Variants in GCM1 observed in about 807,000 individuals in gnomAD.
GCM1 encodes GCM transcription factor 1.
GCM1 carries 2 observed loss-of-function variants against 25.7 expected under a neutral mutation model. The observed-to-expected ratio is 0.08, with a 90% CI of 0.03 to 0.24. The LOEUF (loss-of-function observed/expected upper bound fraction) is 0.24. GCM1 is among the 10% of genes least tolerant of loss of function. The pLI is 1.00. For missense variants in GCM1, 395 were observed against 538.7 expected, an observed-to-expected ratio of 0.73 and a Z score of 2.64; for synonymous variants, 183 against 195.7, an observed-to-expected ratio of 0.94 and a Z score of 0.54.
chr6:53,146,041 G>A (rs558035980), intron 1 of GCM1, among the ~76,000 whole-genome samples: 2 of 152,180 alleles, frequency 1.3e-5, no homozygotes, highest in African/African-American at 4.8e-5. Flanking sequence ...GTTGTCATCT[G>A]TAACCAATGG....
intron 5 of GCM1, among the ~76,000 whole-genome samples, chr6:53,129,430 C>A (rs1361113129): frequency 6.6e-6 from 1 of 152,062 alleles, no homozygotes; most frequent in Non-Finnish European, 1.5e-5. Context: ...CCTGCCACCA[C>A]GCCCAGCTAA....
At chr6:53,144,048 C>A (rs1763918333) in intron 2 of GCM1, among the ~76,000 whole-genome samples, 1 of 152,122 alleles carries the variant, frequency 6.6e-6, no homozygotes, top group African/African-American at 2.4e-5. Flanking sequence ...TCCTAGCCTT[C>A]TAGTCACCTT....
At chr6:53,130,743 GC>G in intron 5 of GCM1, 59 bp downstream of exon 5, 1 of 1,446,710 alleles carries the variant, frequency 6.9e-7, no homozygotes, top group Non-Finnish European at 9.4e-7. Context: ...GAAATCTACC[GC>G]CCCCAGCACA....
intron 2 of GCM1, among the ~76,000 whole-genome samples, chr6:53,140,949 G>A (rs1277963713): frequency 6.6e-6 from 1 of 152,072 alleles, no homozygotes; most frequent in Non-Finnish European, 1.5e-5. Context: ...AAACCTTAAA[G>A]CAATTAGATT....
At chr6:53,146,331 T>C (rs984485146) in intron 1 of GCM1, among the ~76,000 whole-genome samples, 23 of 151,076 alleles carry the variant, frequency 1.5e-4, no homozygotes, top group African/African-American at 5.6e-4. Context: ...GCAACTCTCC[T>C]GCCTCAGCCT....
intron 2 of GCM1, among the ~76,000 whole-genome samples, chr6:53,135,280 T>G (rs1238516397): frequency 6.6e-6 from 1 of 152,176 alleles, no homozygotes; most frequent in Non-Finnish European, 1.5e-5. Context: ...TGGTAAATTT[T>G]AAGTTGTGTT....
At chr6:53,132,165 C>G (rs144448584) in intron 3 of GCM1, 46 bp from the exon 4 acceptor site, 2 of 1,161,052 alleles carry the variant, frequency 1.7e-6, no homozygotes, top group South Asian at 2.4e-5. Context: ...TGAACCATGT[C>G]GGTTGTTGAC....
At position 53,127,347 on chromosome 6, in the gene GCM1, CT is replaced by C. The variant is rs1259214146; in HGVS notation, c.*858del. ...GGTCAGGTTCCTTGTCATCACAAGT[CT>C]CAGAAATCATCTAGAAAACATATAT... On this transcript the variant is annotated 3_prime_UTR_variant, in exon 6 of 6. Coordinates refer to ENST00000259803, the MANE Select transcript of GCM1 (RefSeq NM_003643.4). 6.6e-6 allele frequency: 1 copy of C among 152,300 alleles called. No homozygotes were observed. Among genetic ancestry groups the C allele is most frequent in the East Asian group, 1.9e-4 (1 of 5,188 alleles). The allele number at this position is 152,300 out of a possible 1,614,324, so 9.4% of individuals were successfully genotyped here.
At chr6:53,144,429 A>T (rs1378174888) in intron 2 of GCM1, among the ~76,000 whole-genome samples, 1 of 151,976 alleles carries the variant, frequency 6.6e-6, no homozygotes, top group Non-Finnish European at 1.5e-5. Context: ...TCTAAAAAAA[A>T]AAAAAAAAAG....
At chr6:53,131,184 T>G (rs1294078689) in intron 4 of GCM1, among the ~76,000 whole-genome samples, 2 of 152,200 alleles carry the variant, frequency 1.3e-5, no homozygotes, top group Non-Finnish European at 2.9e-5. Flanking sequence ...CTGTGGTATG[T>G]GCCAGACACA....
chr6:53,128,028 C>CAAAAAAAAAAAAAAAAAAAA lies in GCM1; in HGVS notation c.*158_*177dup, dbSNP rs1223691364. 3.8e-4 allele frequency: 25 copies of CAAAAAAAAAAAAAAAAAAAA among 66,438 alleles called. No individual in the cohort carries two copies. The highest frequency in any genetic ancestry group is 5.3e-4 in the African/African-American group (5 of 9,520). The allele number at this position is 66,438 out of a possible 1,614,324, so 4.1% of individuals were successfully genotyped here. On this transcript the variant is annotated 3_prime_UTR_variant, in exon 6 of 6. Transcript: ENST00000259803. ...TGGGCAAAAGAGCAAGACTCTGTCT[C>CAAAAAAAAAAAAAAAAAAAA]AAAAAAAAAAAAAAAAAAAAAAAAA...
chr6:53,135,166 G>A (rs1012291385), intron 2 of GCM1, among the ~76,000 whole-genome samples: 2 of 152,126 alleles, frequency 1.3e-5, no homozygotes, highest in South Asian at 2.1e-4. Flanking sequence ...GTCATTCAAC[G>A]GACAAAGTTT....
In GCM1 at chr6:53,143,640, C is replaced by A. The variant is rs143369099; in HGVS notation, c.75+1918G>T. Among the ~76,000 whole-genome samples, 133 of 152,238 alleles carry A rather than the reference C, an allele frequency of 8.7e-4. 1 individual carries two copies. The highest frequency in any genetic ancestry group is 1.6e-3 in the Non-Finnish European group (106 of 68,016). ...TAAAGTTTACTTTAAAGTTTCCCTA[C>A]AACAGTGACAATAATTGTAATACTA... On this transcript the variant is annotated intron_variant, in intron 2 of 5. Transcript: ENST00000259803.
rs374003490 is a variant in GCM1, at chr6:53,131,993, C to A, written c.441+14G>T. 13 of 1,498,718 alleles carry A rather than the reference C, an allele frequency of 8.7e-6. No individual in the cohort carries two copies. In the African/African-American group the frequency reaches 1.6e-4, roughly 19 times the overall value. The allele number at this position is 1,498,718 out of a possible 1,614,324, so 92.8% of individuals were successfully genotyped here. On this transcript the variant is annotated intron_variant, in intron 4 of 5. Coordinates refer to ENST00000259803, the MANE Select transcript of GCM1 (RefSeq NM_003643.4). ...AGTAATGAAACTCTCACGTAACTAACTCAAAAATCCAACCTGGAAAAATAT... is the reference window on the plus strand; with the variant it reads ...AGTAATGAAACTCTCACGTAACTAAATCAAAAATCCAACCTGGAAAAATAT...
chr6:53,134,776 T>G (rs1763773796), intron 2 of GCM1, among the ~76,000 whole-genome samples: 1 of 152,200 alleles, frequency 6.6e-6, no homozygotes, highest in South Asian at 2.1e-4. Flanking sequence ...AAGACCAGCC[T>G]GGGCAACACA....
intron 3 of GCM1, among the ~76,000 whole-genome samples, chr6:53,132,571 G>T (rs1763741000): frequency 6.6e-6 from 1 of 152,170 alleles, no homozygotes; most frequent in South Asian, 2.1e-4. Flanking sequence ...AATTAGCTGG[G>T]CGTGGTGGTG....
At chr6:53,131,542 T>A (rs560183876) in intron 4 of GCM1, among the ~76,000 whole-genome samples, 1 of 152,336 alleles carries the variant, frequency 6.6e-6, no homozygotes, top group East Asian at 1.9e-4. Flanking sequence ...ATCCCACTAA[T>A]TCAAACCCAG....
chr6:53,138,831 C>T (rs1411528517), intron 2 of GCM1, among the ~76,000 whole-genome samples: 5 of 152,200 alleles, frequency 3.3e-5, no homozygotes, highest in African/African-American at 1.2e-4. Flanking sequence ...AGATTTAATC[C>T]TCTAACTCAA....
chr6:53,147,372 T>G (rs1323531207), intron 1 of GCM1, among the ~76,000 whole-genome samples: 1 of 151,664 alleles, frequency 6.6e-6, no homozygotes, highest in Non-Finnish European at 1.5e-5. Context: ...ATAAGGTAGA[T>G]TAATAGTCTA....
Sources: allele counts gnomAD v4.1 joint callset (sites outside exome capture counted in the v4.1 genomes callset), GRCh38; gene constraint gnomAD v4.1.1; transcripts MANE v1.5; gene names NCBI Gene and HGNC (gene_info 2026-07-23, HGNC 2026-07-21).